The following NKAIN2 variants were observed in gnomAD, a reference collection of about 807,000 sequenced individuals.
The protein encoded by NKAIN2 is sodium/potassium transporting ATPase interacting 2.
NKAIN2 carries 14 observed loss-of-function variants against 32.6 expected under a neutral mutation model. That is an observed-to-expected ratio of 0.43 (90% CI 0.28 to 0.67). The LOEUF (loss-of-function observed/expected upper bound fraction) is 0.67. NKAIN2 is among the 30% of genes least tolerant of loss of function. NKAIN2 has a pLI of 0.17. For synonymous variants in NKAIN2, 80 were observed against 87.2 expected, an observed-to-expected ratio of 0.92 and a Z score of 0.46; for missense variants, 198 against 258.3, an observed-to-expected ratio of 0.77 and a Z score of 1.60.
intron 1 of NKAIN2, among the ~76,000 whole-genome samples, chr6:124,095,481 A>G (rs998667319): frequency 6.6e-6 from 1 of 152,168 alleles, no homozygotes; most frequent in African/African-American, 2.4e-5. Flanking sequence ...AAACCTATAT[A>G]TACAACCTTT....
chr6:124,069,192 C>T (rs1162717538), intron 1 of NKAIN2, among the ~76,000 whole-genome samples: 1 of 152,160 alleles, frequency 6.6e-6, no homozygotes, highest in Non-Finnish European at 1.5e-5. Context: ...ATCTTTATCA[C>T]TCAGGTTCTA....
At chr6:123,892,257 A>T (rs1562242547) in intron 1 of NKAIN2, among the ~76,000 whole-genome samples, 1 of 152,172 alleles carries the variant, frequency 6.6e-6, no homozygotes, top group Non-Finnish European at 1.5e-5. Context: ...ACAAAACATG[A>T]TTCAATGACT....
intron 3 of NKAIN2, among the ~76,000 whole-genome samples, chr6:124,474,793 T>G (rs947658958): frequency 7.9e-6 from 1 of 126,474 alleles, no homozygotes; most frequent in Non-Finnish European, 1.8e-5. Context: ...CCCCTGTATA[T>G]ATATATACAC....
rs577351731 is a variant in NKAIN2, at chr6:124,506,714, GA to G, written c.273+151377del. ...CTGGTATCAGATTTTCACTTAGGAA[GA>G]AAAAAAAAAGAGGGAGAAGGTTAAG... On this transcript the variant is annotated intron_variant, in intron 3 of 6. Coordinates refer to ENST00000368417, the MANE Select transcript of NKAIN2 (RefSeq NM_001040214.3). 5.4e-3 allele frequency among the ~76,000 whole-genome samples: 792 copies of G among 146,838 alleles called. 3 individuals carry two copies. Among genetic ancestry groups the G allele is most frequent in the Non-Finnish European group, 8.9e-3 (592 of 66,376 alleles).
rs1784614813 is a variant in NKAIN2 at position 124,658,299 on chromosome 6, A to C, written c.387A>C (p.Glu129Asp). Reference protein sequence around the residue: ...SVTPAPDWAPEDHRYITVSGC... With the variant: ...SVTPAPDWAPDDHRYITVSGC... ...CACCTGCCCCAGACTGGGCCCCAGA[A>C]GACCATCGCTACATCACGGTCTCAG... The change falls in exon 4 of 7, where the codon GAA (glutamate) becomes GAC (aspartate). Residue 129 changes from glutamate (E) to aspartate (D), a missense_variant. Glu to Asp is a conservative substitution (Grantham distance 45). Transcript: ENST00000368417. The C allele has an allele frequency of 1.9e-6, 3 of 1,614,158 alleles. No homozygotes were observed. Among genetic ancestry groups the C allele is most frequent in the Non-Finnish European group, 2.5e-6 (3 of 1,180,020 alleles).
chr6:124,776,638 C>T (rs949416265), intron 4 of NKAIN2, among the ~76,000 whole-genome samples: 2 of 152,144 alleles, frequency 1.3e-5, no homozygotes, highest in African/African-American at 4.8e-5. Context: ...CTGCTATAGT[C>T]TTGTATTCAT....
At chr6:124,591,491 C>T (rs1781910823) in intron 3 of NKAIN2, among the ~76,000 whole-genome samples, 1 of 151,988 alleles carries the variant, frequency 6.6e-6, no homozygotes, top group Admixed American at 6.6e-5. Flanking sequence ...ATTTCTACTC[C>T]CTCCCTCCCT....
chr6:123,818,354 A>AACACACACACACAC (rs36066775), intron 1 of NKAIN2, among the ~76,000 whole-genome samples: 1 of 144,506 alleles, frequency 6.9e-6, no homozygotes, highest in Admixed American at 7.0e-5. Context: ...TTCTTGTGGA[A>AACACACACACACAC]ACACACACAC....
intron 4 of NKAIN2, among the ~76,000 whole-genome samples, chr6:124,766,906 GT>G (rs1048704261): frequency 1.3e-5 from 2 of 151,622 alleles, no homozygotes; most frequent in Non-Finnish European, 2.9e-5. Context: ...TTTGTTTTTT[GT>G]TTTTTTGACG....
intron 1 of NKAIN2, among the ~76,000 whole-genome samples, chr6:124,229,533 T>TAGATAGATAGATAGATAGACAGAC (rs1298590453): frequency 2.0e-5 from 3 of 149,066 alleles, no homozygotes; most frequent in African/African-American, 7.5e-5. Context: ...GATAGATAGA[T>TAGATAGATAGATAGATAGACAGAC]AGACAGACAG....
intron 1 of NKAIN2, among the ~76,000 whole-genome samples, chr6:124,182,847 T>C (rs1156657445): frequency 6.6e-6 from 1 of 152,126 alleles, no homozygotes; most frequent in African/African-American, 2.4e-5. Context: ...GATATATATA[T>C]AGGCAAACAT....
At chr6:124,811,288 T>G (rs1780895784) in intron 5 of NKAIN2, among the ~76,000 whole-genome samples, 1 of 152,160 alleles carries the variant, frequency 6.6e-6, no homozygotes, top group Non-Finnish European at 1.5e-5. Context: ...CCTTCATGGT[T>G]TTTTACAGCT....
intron 1 of NKAIN2, among the ~76,000 whole-genome samples, chr6:124,046,154 G>A (rs1474410106): frequency 6.6e-6 from 1 of 151,920 alleles, no homozygotes; most frequent in African/African-American, 2.4e-5. Context: ...GTTTATATCT[G>A]TTGGAGTGAA....
intron 3 of NKAIN2, among the ~76,000 whole-genome samples, chr6:124,452,330 G>A (rs746126916): frequency 6.6e-6 from 1 of 152,036 alleles, no homozygotes; most frequent in Non-Finnish European, 1.5e-5. Flanking sequence ...GGTCAACAAA[G>A]TGTAATGAGC....
At chr6:124,623,250 A>G (rs1460441702) in intron 3 of NKAIN2, among the ~76,000 whole-genome samples, 1 of 152,088 alleles carries the variant, frequency 6.6e-6, no homozygotes, top group African/African-American at 2.4e-5. Flanking sequence ...ATTTTAAGTG[A>G]TATCATTCAC....
intron 4 of NKAIN2, among the ~76,000 whole-genome samples, chr6:124,760,842 A>G (rs1019646387): frequency 1.3e-5 from 2 of 152,206 alleles, no homozygotes; most frequent in African/African-American, 4.8e-5. Flanking sequence ...TTGTCTGAGT[A>G]TGTGTCCAAT....
At chr6:124,349,217 G>C (rs1490552779) in intron 2 of NKAIN2, among the ~76,000 whole-genome samples, 4 of 152,040 alleles carry the variant, frequency 2.6e-5, no homozygotes, top group Non-Finnish European at 5.9e-5. Flanking sequence ...CAAAGCAAGA[G>C]AGTCCTGTTA....
At chr6:124,025,670 A>G (rs1479570113) in intron 1 of NKAIN2, among the ~76,000 whole-genome samples, 1 of 152,206 alleles carries the variant, frequency 6.6e-6, no homozygotes, top group Non-Finnish European at 1.5e-5. Context: ...AAATTTGCTA[A>G]GAGCAGATTT....
chr6:124,676,696 C>T (rs1275932539), intron 4 of NKAIN2, among the ~76,000 whole-genome samples: 2 of 152,100 alleles, frequency 1.3e-5, no homozygotes, highest in Non-Finnish European at 2.9e-5. Context: ...AAATCGTGAG[C>T]TGAAATGATC....
Sources: allele counts gnomAD v4.1 joint callset (sites outside exome capture counted in the v4.1 genomes callset), GRCh38; gene constraint gnomAD v4.1.1; transcripts MANE v1.5; gene names NCBI Gene and HGNC (gene_info 2026-07-23, HGNC 2026-07-21).